Variants in CTPS1 observed in about 807,000 individuals in gnomAD.
The protein encoded by CTPS1 is CTP synthase 1, also known as CTP synthetase 1.
CTPS1 carries 25 observed loss-of-function variants against 80.5 expected under a neutral mutation model. The observed-to-expected ratio is 0.31, with a 90% CI of 0.23 to 0.43. The LOEUF is 0.43. Ranked by LOEUF, CTPS1 falls within the 20% of genes least tolerant of loss-of-function variation. The probability of loss-of-function intolerance (pLI) is 1.00; values close to 1 mark genes in which losing one functional copy is unlikely to be tolerated. For missense variants in CTPS1, 442 were observed against 725.7 expected (o/e 0.61, Z 4.49); for synonymous variants, 267 against 252.5 (o/e 1.06, Z -0.54).
intron 9 of CTPS1, among the ~76,000 whole-genome samples, chr1:40,998,496 C>T (rs1642819510): frequency 6.6e-6 from 1 of 150,568 alleles, no homozygotes; most frequent in Admixed American, 6.6e-5. Flanking sequence ...ACCTAGACAA[C>T]TTACTTAACC....
intron 6 of CTPS1, among the ~76,000 whole-genome samples, 190 bp from the exon 7 acceptor site, chr1:40,991,575 C>A (rs1642611685): frequency 2.6e-5 from 4 of 152,140 alleles, no homozygotes; most frequent in Admixed American, 2.0e-4. Flanking sequence ...TTATGTTTCT[C>A]CAGTTTGGCG....
intron 12 of CTPS1, chr1:41,004,294 G>C (rs564892332): frequency 6.6e-5 from 10 of 152,236 alleles, no homozygotes; most frequent in African/African-American, 2.4e-4. Context: ...GACTCTGGTG[G>C]CCAGCATATG....
chr1:40,988,359 G>A (rs1642512801), intron 4 of CTPS1: 3 of 331,510 alleles, frequency 9.0e-6, no homozygotes, highest in South Asian at 7.3e-5. Context: ...TTCTTGAAAT[G>A]ATGTGGAAAG....
At chr1:40,986,341 A>G (rs1279951625) in intron 3 of CTPS1, among the ~76,000 whole-genome samples, 1 of 152,120 alleles carries the variant, frequency 6.6e-6, no homozygotes, top group East Asian at 1.9e-4. Flanking sequence ...TTGGTCCGGG[A>G]ATGGAGGGGA....
chr1:40,984,765 G>A (rs754557223), intron 2 of CTPS1, 56 bp from the exon 3 acceptor site: 2 of 1,304,330 alleles, frequency 1.5e-6, no homozygotes, highest in Non-Finnish European at 2.0e-6. Flanking sequence ...GATTGCAGTT[G>A]TGCCATGGTA....
At chr1:40,996,399 C>T (rs1463664009) in intron 8 of CTPS1, among the ~76,000 whole-genome samples, 1 of 152,174 alleles carries the variant, frequency 6.6e-6, no homozygotes, top group Non-Finnish European at 1.5e-5. Context: ...AAAGCCCACA[C>T]GAATGGCTGA....
At chr1:41,000,534 T>A (rs2148410383) in intron 9 of CTPS1, among the ~76,000 whole-genome samples, 1 of 152,168 alleles carries the variant, frequency 6.6e-6, no homozygotes, top group Middle Eastern at 3.4e-3. Flanking sequence ...ATTATAGGTG[T>A]GAGCCACCAC....
At chr1:40,996,321 G>C (rs1235420005) in intron 8 of CTPS1, among the ~76,000 whole-genome samples, 1 of 152,170 alleles carries the variant, frequency 6.6e-6, no homozygotes, top group African/African-American at 2.4e-5. Flanking sequence ...GTCTTAACAC[G>C]CTTGTCTCTT....
At chr1:41,004,163 C>T (rs1167524964) in intron 12 of CTPS1, 1 of 152,224 alleles carries the variant, frequency 6.6e-6, no homozygotes, top group African/African-American at 2.4e-5. Context: ...CCACCACAGC[C>T]CATTTATTCT....
intron 12 of CTPS1, 78 bp downstream of exon 12, chr1:41,003,254 G>A: frequency 1.3e-6 from 2 of 1,516,036 alleles, no homozygotes; most frequent in Non-Finnish European, 1.8e-6. Flanking sequence ...CCGCCTGGGT[G>A]ATCAGGAGCT....
chr1:40,979,993 C>T (rs1651782013), intron 1 of CTPS1, 164 bp downstream of exon 1: 2 of 151,890 alleles, frequency 1.3e-5, no homozygotes, highest in Admixed American at 1.3e-4. Flanking sequence ...GGCTGTGTGC[C>T]TAACGGGAGT....
chr1:40,989,188 C>A (rs2148394919), intron 5 of CTPS1, among the ~76,000 whole-genome samples: 1 of 152,316 alleles, frequency 6.6e-6, no homozygotes, highest in East Asian at 1.9e-4. Flanking sequence ...CATGTAACTA[C>A]TGCTTCAGAA....
chr1:41,000,215 A>ATGTTT lies in CTPS1; in HGVS notation c.1006-773_1006-769dup, dbSNP rs113751290. On this transcript the variant is annotated intron_variant, in intron 9 of 18. Coordinates refer to ENST00000650070, the MANE Select transcript of CTPS1 (RefSeq NM_001905.4). ...GCACATTCTGGGAAGATGGTAACTT[A>ATGTTT]TGTTTTGTTTTGTTTTGTTTTGTTT... 8.5e-3 allele frequency among the ~76,000 whole-genome samples: 1,261 copies of ATGTTT among 147,540 alleles called. 6 individuals carry two copies. Among genetic ancestry groups the ATGTTT allele is most frequent in the Middle Eastern group, 0.024 (7 of 290 alleles).
At chr1:40,991,674 A>T (rs1642614357) in intron 6 of CTPS1, 91 bp from the exon 7 acceptor site, 1 of 826,584 alleles carries the variant, frequency 1.2e-6, no homozygotes, top group East Asian at 2.6e-5. Flanking sequence ...TCATCTTAAC[A>T]ATGTGATGTC....
intron 12 of CTPS1, 151 bp downstream of exon 12, chr1:41,003,327 C>T: frequency 1.3e-6 from 1 of 763,526 alleles, no homozygotes; most frequent in East Asian, 2.7e-5. Context: ...GCTGCCTTGC[C>T]TCTTGAGGAA....
chr1:40,981,334 A>G (rs976035477), intron 1 of CTPS1: 5 of 152,260 alleles, frequency 3.3e-5, no homozygotes, highest in Admixed American at 1.3e-4. Context: ...ATCTAAAGAG[A>G]GAAACTAAAG....
chr1:40,998,427 GAT>G (rs1642816448), intron 9 of CTPS1, among the ~76,000 whole-genome samples: 1 of 145,170 alleles, frequency 6.9e-6, no homozygotes, highest in African/African-American at 2.6e-5. Flanking sequence ...AAAAAACATG[GAT>G]GCCTGAGCCC....
intron 8 of CTPS1, 26 bp downstream of exon 8, chr1:40,996,094 G>A (rs779994010): frequency 2.5e-6 from 4 of 1,613,632 alleles, no homozygotes; most frequent in Non-Finnish European, 3.4e-6. Context: ...GGAGCTGGGA[G>A]TGCTAGCCTC....
intron 5 of CTPS1, among the ~76,000 whole-genome samples, chr1:40,990,083 A>G (rs549878199): frequency 6.6e-6 from 1 of 152,014 alleles, no homozygotes; most frequent in East Asian, 1.9e-4. Flanking sequence ...ACCCCCCCGT[A>G]TTTGGAAATC....
Sources: allele counts gnomAD v4.1 joint callset (sites outside exome capture counted in the v4.1 genomes callset), GRCh38; gene constraint gnomAD v4.1.1; transcripts MANE v1.5; gene names NCBI Gene and HGNC (gene_info 2026-07-23, HGNC 2026-07-21).